The following CFI variants were observed in gnomAD, a reference collection of about 807,000 sequenced individuals.
CFI encodes the protein complement factor I.
A neutral mutation model predicts 78.8 loss-of-function variants in CFI; 66 were observed. That is an observed-to-expected ratio of 0.84 (90% CI 0.69 to 1.03). The LOEUF is 1.03. CFI is among the 50% of genes least tolerant of loss of function. CFI has a pLI of 0.00. For missense variants in CFI, 706 were observed against 704.5 expected, an observed-to-expected ratio of 1.00 and a Z score of -0.02; for synonymous variants, 250 against 232.6, an observed-to-expected ratio of 1.07 and a Z score of -0.68.
rs1483911800 is a variant in CFI, at chr4:109,766,759, G to C, written c.123C>G (p.Leu41=). Residue 41 remains leucine (L), a synonymous_variant, in exon 2 of 13, where the codon CTC becomes CTG. Coordinates refer to ENST00000394634, the MANE Select transcript of CFI (RefSeq NM_000204.5). ...GCTGGCAGAAGACTTTATCGCAGGA[G>C]AGGTGAGTATATTTTTTTGCTAAGC... The part of the protein sequence containing the change: ...KKCLAKKYTH[L]SCDKVFCQPW... 1 of 1,614,178 alleles carries C rather than the reference G, an allele frequency of 6.2e-7. No homozygotes were observed. Among genetic ancestry groups the C allele is most frequent in the Non-Finnish European group, 8.5e-7 (1 of 1,180,000 alleles).
the CFI span, among the ~76,000 whole-genome samples, chr4:109,734,785 C>G: frequency 6.6e-6 from 1 of 152,018 alleles, no homozygotes; most frequent in Non-Finnish European, 1.5e-5. Flanking sequence ...GCCTGGGCAA[C>G]AGAGCAACAG....
At chr4:109,784,383 ATAGT>A (rs1730487902) in intron 1 of CFI, among the ~76,000 whole-genome samples, 1 of 152,036 alleles carries the variant, frequency 6.6e-6, no homozygotes, top group East Asian at 1.9e-4. Flanking sequence ...AAATGGGGTG[ATAGT>A]TGGAGGAGGG....
intron 1 of CFI, among the ~76,000 whole-genome samples, chr4:109,768,555 C>T (rs1728124554): frequency 6.6e-6 from 1 of 151,958 alleles, no homozygotes; most frequent in African/African-American, 2.4e-5. Flanking sequence ...CTATTATTAC[C>T]CTGCAGGACT....
In CFI at chr4:109,760,385, G is replaced by A. The variant is rs756148126; in HGVS notation, c.773-5C>T. The A allele has an allele frequency of 6.2e-7, 1 of 1,606,810 alleles. No individual in the cohort carries two copies. Among genetic ancestry groups the A allele is most frequent in the Non-Finnish European group, 8.5e-7 (1 of 1,173,448 alleles). ...GGAAGCCTTTGCCTTGGCATGCTGT[G>A]CAAACATAAGCAGGAGAGGTTTTTT... is the stretch of plus-strand genomic sequence containing the variant. On this transcript the variant is annotated splice_region_variant and splice_polypyrimidine_tract_variant and intron_variant, in intron 5 of 12. Coordinates refer to ENST00000394634, the MANE Select transcript of CFI (RefSeq NM_000204.5).
rs750018382 is a variant in CFI, at chr4:109,746,297, C to T, written c.1354G>A (p.Ala452Thr). 12 of 1,614,144 alleles carry T rather than the reference C, an allele frequency of 7.4e-6. No homozygotes were observed. In the East Asian group the frequency reaches 1.8e-4, roughly 24 times the overall value. ...KDCELPRSIPACVPWSPYLFQ... is the reference protein window; with the variant it reads ...KDCELPRSIPTCVPWSPYLFQ... ...AGGTAAGGAGACCAGGGGACACAGG[C>T]AGGGATGGAACGAGGCAGCTCACAA... is the stretch of plus-strand genomic sequence containing the variant. Residue 452 changes from alanine (A) to threonine (T), a missense_variant, in exon 11 of 13, where the codon GCC becomes ACC. Physicochemically the swap from Ala to Thr is moderately conservative, Grantham distance 58 (BLOSUM62 0). Coordinates refer to ENST00000394634, the MANE Select transcript of CFI (RefSeq NM_000204.5).
chr4:109,766,770 AT>A lies in CFI; in HGVS notation c.111del (p.Lys37AsnfsTer65), dbSNP rs1560546604. 2 of 1,614,132 alleles carry A rather than the reference AT, an allele frequency of 1.2e-6. No individual in the cohort carries two copies. The highest frequency in any genetic ancestry group is 1.1e-5 in the South Asian group (1 of 91,080). On this transcript the variant is annotated frameshift_variant, in exon 2 of 13. Coordinates refer to ENST00000394634, the MANE Select transcript of CFI (RefSeq NM_000204.5). LOFTEE classifies it high-confidence loss of function. ...ACTTTATCGCAGGAGAGGTGAGTAT[AT>A]TTTTTTGCTAAGCACTTTTTCTCCA... ...DLVEKKCLAK[K>X]YTHLSCDKVF...
At chr4:109,769,587 C>T (rs1310192021) in intron 1 of CFI, among the ~76,000 whole-genome samples, 1 of 152,170 alleles carries the variant, frequency 6.6e-6, no homozygotes, top group Non-Finnish European at 1.5e-5. Context: ...ATGCGGGGTA[C>T]TATGAGGTTC....
Position 109,796,216 on chromosome 4 carries a change from A to C in CFI, c.57+5699T>G, listed in dbSNP as rs192405165. Among the ~76,000 whole-genome samples the C allele has an allele frequency of 2.3e-3, 355 of 152,232 alleles. 1 individual carries two copies. The highest frequency in any genetic ancestry group is 8.3e-3 in the African/African-American group (344 of 41,538). ...GCAGGCCAGGAAAGAGTGGGATAAT[A>C]TATTCAAAGTGTCATAACGAAGAAA... On this transcript the variant is annotated intron_variant, in intron 1 of 12. Coordinates refer to ENST00000394634, the MANE Select transcript of CFI (RefSeq NM_000204.5).
chr4:109,779,981 A>G (rs907954288), intron 1 of CFI, among the ~76,000 whole-genome samples: 1 of 151,894 alleles, frequency 6.6e-6, no homozygotes, highest in African/African-American at 2.4e-5. Context: ...TTTACACCTT[A>G]TAAAAAATTA....
At chr4:109,764,156 A>C (rs1401938839) in intron 3 of CFI, among the ~76,000 whole-genome samples, 2 of 151,226 alleles carry the variant, frequency 1.3e-5, no homozygotes, top group Admixed American at 1.3e-4. Context: ...CTCACTGTAT[A>C]GTTTATAGTA....
chr4:109,773,286 G>T lies in CFI; in HGVS notation c.58-6462C>A, dbSNP rs550476221. Among the ~76,000 whole-genome samples the T allele has an allele frequency of 3.9e-5, 6 of 152,278 alleles. No homozygotes were observed. In the South Asian group the frequency reaches 1.2e-3, roughly 32 times the overall value. ...CTTACGCCTGTAATCCCAGCACTTT[G>T]GGAGGCTGAGGCAGGTGGATCACAA... On this transcript the variant is annotated intron_variant, in intron 1 of 12. Transcript: ENST00000394634.
intron 1 of CFI, among the ~76,000 whole-genome samples, chr4:109,779,763 A>G (rs1729750224): frequency 6.6e-6 from 1 of 152,180 alleles, no homozygotes; most frequent in African/African-American, 2.4e-5. Context: ...CCAAAACAGC[A>G]CAGTACTGGT....
chr4:109,742,195 A>G (rs1312418534), intron 12 of CFI: 1 of 360,680 alleles, frequency 2.8e-6, no homozygotes, highest in Non-Finnish European at 5.2e-6. Context: ...TCAAGGTCAC[A>G]TGACTAGCAA....
rs554298154 is a variant in CFI, at chr4:109,784,865, G to A, written c.57+17050C>T. Among the ~76,000 whole-genome samples, 11 of 149,278 alleles carry A rather than the reference G, an allele frequency of 7.4e-5. No individual in the cohort carries two copies. In the South Asian group the frequency reaches 1.7e-3, roughly 23 times the overall value. On this transcript the variant is annotated intron_variant, in intron 1 of 12. Coordinates refer to ENST00000394634, the MANE Select transcript of CFI (RefSeq NM_000204.5). Reference sequence around the variant, plus strand: ...CCATCATATCTCCTGTGACCTGCACGTATACATCCAGATGGCCTGAAGCAA... The same window carrying A: ...CCATCATATCTCCTGTGACCTGCACATATACATCCAGATGGCCTGAAGCAA...
At chr4:109,777,155 C>A (rs112682751) in intron 1 of CFI, among the ~76,000 whole-genome samples, 3 of 152,200 alleles carry the variant, frequency 2.0e-5, no homozygotes, top group African/African-American at 7.2e-5. Flanking sequence ...GCTAAATGCT[C>A]GAATTAAAAG....
At chr4:109,762,960 A>G (rs1281617988) in intron 3 of CFI, among the ~76,000 whole-genome samples, 1 of 152,218 alleles carries the variant, frequency 6.6e-6, no homozygotes, top group Non-Finnish European at 1.5e-5. Flanking sequence ...CATAAGTTGT[A>G]GGTAACAAAC....
intron 11 of CFI, 105 bp downstream of exon 11, chr4:109,746,117 G>A (rs1724382498): frequency 1.5e-6 from 2 of 1,313,886 alleles, no homozygotes; most frequent in Admixed American, 1.9e-5. Flanking sequence ...TTCTGGATAT[G>A]ATGTTATGCT....
intron 1 of CFI, among the ~76,000 whole-genome samples, chr4:109,797,015 T>C (rs1206225971): frequency 6.6e-6 from 1 of 152,232 alleles, no homozygotes; most frequent in Non-Finnish European, 1.5e-5. Flanking sequence ...AATCTACAGA[T>C]TTGATACAAT....
At chr4:109,737,416 G>A (rs955373418), downstream of CFI, among the ~76,000 whole-genome samples, 1 of 152,162 alleles carries the variant, frequency 6.6e-6, no homozygotes, top group Admixed American at 6.5e-5. Flanking sequence ...TCTTTAATAT[G>A]TCAGGCTGGT....
Sources: allele counts gnomAD v4.1 joint callset (sites outside exome capture counted in the v4.1 genomes callset), GRCh38; gene constraint gnomAD v4.1.1; transcripts MANE v1.5; gene names NCBI Gene and HGNC (gene_info 2026-07-23, HGNC 2026-07-21).